The following FRMD4A variants were observed in gnomAD, a reference collection of about 807,000 sequenced individuals.
The protein encoded by FRMD4A is FERM domain-containing protein 4A.
In FRMD4A, 29 loss-of-function variants were observed where a neutral mutation model predicts 129.1. The ratio of observed to expected loss-of-function variants is 0.22; its 90% CI spans 0.17 to 0.31. The LOEUF (loss-of-function observed/expected upper bound fraction) is 0.31. Among genes scored for constraint, FRMD4A ranks in the 10% least tolerant of loss-of-function variants. FRMD4A has a pLI of 1.00. For synonymous variants in FRMD4A, 634 were observed against 571.6 expected (o/e 1.11, Z -1.56); for missense variants, 1,272 against 1,375.8 (o/e 0.92, Z 1.19).
chr10:13,942,276 T>A (rs955532127), intron 2 of FRMD4A, among the ~76,000 whole-genome samples: 2 of 152,188 alleles, frequency 1.3e-5, no homozygotes. Flanking sequence ...TGTCTTGACA[T>A]CTCCATAGAT....
At chr10:13,982,278 G>A (rs1230309805) in intron 2 of FRMD4A, among the ~76,000 whole-genome samples, 1 of 151,974 alleles carries the variant, frequency 6.6e-6, no homozygotes, top group Non-Finnish European at 1.5e-5. Flanking sequence ...GCGCCCAGGA[G>A]TTCGAGGCCA....
chr10:13,657,414 G>C lies in FRMD4A; in HGVS notation c.2175C>G (p.Thr725=). The change falls in exon 22 of 25, where the codon ACC becomes ACG. Residue 725 remains threonine (T), a synonymous_variant. Coordinates refer to ENST00000357447, the MANE Select transcript of FRMD4A (RefSeq NM_018027.5). Reference sequence around the variant, plus strand: ...GCGGGGTGTAGAAGTCGGGGCTCCCGGTGTCGTTTTCCGAGCCCAGGAGCT... The same window carrying C: ...GCGGGGTGTAGAAGTCGGGGCTCCCCGTGTCGTTTTCCGAGCCCAGGAGCT... ...QGKLLGSEND[T]GSPDFYTPRT... The C allele has an allele frequency of 6.2e-7, 1 of 1,608,048 alleles. No individual in the cohort carries two copies. The highest frequency in any genetic ancestry group is 8.5e-7 in the Non-Finnish European group (1 of 1,178,004).
intron 12 of FRMD4A, among the ~76,000 whole-genome samples, chr10:13,718,408 G>A (rs906803435): frequency 6.6e-6 from 1 of 152,276 alleles, no homozygotes; most frequent in Non-Finnish European, 1.5e-5. Flanking sequence ...CTTTCCACTT[G>A]GAGGGCCTGA....
chr10:14,033,793 A>AGC (rs902719792), intron 2 of FRMD4A, among the ~76,000 whole-genome samples: 10 of 150,974 alleles, frequency 6.6e-5, no homozygotes, highest in South Asian at 2.1e-4. Flanking sequence ...AGAGAGAGAG[A>AGC]GAGAGAGAGA....
intron 2 of FRMD4A, among the ~76,000 whole-genome samples, chr10:14,097,381 A>G (rs924024322): frequency 1.3e-5 from 2 of 152,164 alleles, no homozygotes; most frequent in Non-Finnish European, 2.9e-5. Flanking sequence ...AATTATTGTG[A>G]TGATAATAAA....
intron 2 of FRMD4A, among the ~76,000 whole-genome samples, chr10:13,962,970 T>C (rs2095455709): frequency 6.6e-6 from 1 of 152,244 alleles, no homozygotes; most frequent in Non-Finnish European, 1.5e-5. Flanking sequence ...ATTGAGCTGT[T>C]AGGTTGTTTG....
chr10:13,719,918 G>T, intron 12 of FRMD4A, among the ~76,000 whole-genome samples: 1 of 152,212 alleles, frequency 6.6e-6, no homozygotes, highest in Non-Finnish European at 1.5e-5. Context: ...GGAGAGCCCA[G>T]ATGGGAGCAA....
chr10:13,884,806 C>T (rs2094599258), intron 2 of FRMD4A, among the ~76,000 whole-genome samples: 1 of 152,226 alleles, frequency 6.6e-6, no homozygotes. Flanking sequence ...TGGCTAGGGT[C>T]ATGACTTTAT....
chr10:14,112,717 G>C (rs536397224), intron 2 of FRMD4A, among the ~76,000 whole-genome samples: 5 of 152,192 alleles, frequency 3.3e-5, no homozygotes, highest in Non-Finnish European at 7.4e-5. Context: ...GTACGGACGG[G>C]GTTTCATCAT....
intron 2 of FRMD4A, among the ~76,000 whole-genome samples, chr10:14,275,728 CCT>C (rs1355528255): frequency 3.9e-5 from 6 of 152,118 alleles, no homozygotes; most frequent in African/African-American, 1.2e-4. Context: ...AGAGTCCACC[CCT>C]GTCTTCAAAA....
chr10:13,899,020 C>CA (rs59465044), intron 2 of FRMD4A, among the ~76,000 whole-genome samples: 2,571 of 151,742 alleles, frequency 0.017, 81 homozygotes, highest in African/African-American at 0.058. Context: ...CCTGTCTCTA[C>CA]AAAAAAAATT....
At chr10:13,801,184 T>C (rs1462551625) in intron 4 of FRMD4A, among the ~76,000 whole-genome samples, 1 of 152,042 alleles carries the variant, frequency 6.6e-6, no homozygotes, top group Non-Finnish European at 1.5e-5. Flanking sequence ...AAGGCAGAGG[T>C]TGCAGTGAGC....
chr10:13,761,869 C>T (rs2092087787), intron 7 of FRMD4A, among the ~76,000 whole-genome samples, 200 bp from the exon 8 acceptor site: 1 of 152,214 alleles, frequency 6.6e-6, no homozygotes, highest in African/African-American at 2.4e-5. Context: ...TGAAACTAAA[C>T]TCTAGAAACT....
intron 18 of FRMD4A, among the ~76,000 whole-genome samples, chr10:13,665,679 G>A (rs1191031764): frequency 1.3e-5 from 2 of 152,162 alleles, no homozygotes; most frequent in Admixed American, 6.5e-5. Context: ...GGCGGGGGCC[G>A]CTCGAAGACA....
At chr10:14,042,945 AAAAAG>A (rs1460218277) in intron 2 of FRMD4A, among the ~76,000 whole-genome samples, 1 of 151,462 alleles carries the variant, frequency 6.6e-6, no homozygotes, top group African/African-American at 2.4e-5. Flanking sequence ...AAAAAAAAAA[AAAAAG>A]AAATTCATTT....
chr10:13,857,369 A>G (rs2094227878), intron 3 of FRMD4A, among the ~76,000 whole-genome samples: 1 of 152,204 alleles, frequency 6.6e-6, no homozygotes, highest in South Asian at 2.1e-4. Context: ...GAAAAATAAG[A>G]TATGTAGAAT....
At chr10:14,066,644 G>C (rs7901065) in intron 2 of FRMD4A, among the ~76,000 whole-genome samples, 4,540 of 152,184 alleles carry the variant, frequency 0.03, 173 homozygotes, top group East Asian at 0.13. Flanking sequence ...GCCGCACTCT[G>C]AATTCATGGC....
chr10:14,184,792 G>A (rs1842032976), intron 2 of FRMD4A, among the ~76,000 whole-genome samples: 1 of 152,112 alleles, frequency 6.6e-6, no homozygotes, highest in South Asian at 2.1e-4. Context: ...GGAGAATAAA[G>A]GCGCATTTTC....
chr10:13,983,608 T>A (rs1429779369), intron 2 of FRMD4A, among the ~76,000 whole-genome samples: 1 of 152,120 alleles, frequency 6.6e-6, no homozygotes, highest in Non-Finnish European at 1.5e-5. Flanking sequence ...TATTGGTTAT[T>A]TCCCTCTTGT....
Sources: allele counts gnomAD v4.1 joint callset (sites outside exome capture counted in the v4.1 genomes callset), GRCh38; gene constraint gnomAD v4.1.1; transcripts MANE v1.5; gene names NCBI Gene and HGNC (gene_info 2026-07-23, HGNC 2026-07-21).